FOXP1: variants seen among roughly 807,000 people sequenced by gnomAD.
FOXP1 encodes the protein forkhead box P1.
In FOXP1, 15 loss-of-function variants were observed where a neutral mutation model predicts 98.2. The observed-to-expected ratio is 0.15, with a 90% CI of 0.10 to 0.24. The LOEUF (loss-of-function observed/expected upper bound fraction) is 0.24, where lower values mean the gene tolerates loss of function less well. FOXP1 is among the 10% of genes least tolerant of loss of function. The pLI, the probability that FOXP1 is intolerant of heterozygous loss-of-function variation, is 1.00. For missense variants in FOXP1, 633 were observed against 848.5 expected, an observed-to-expected ratio of 0.75 and a Z score of 3.15; for synonymous variants, 371 against 314.5, an observed-to-expected ratio of 1.18 and a Z score of -1.90.
chr3:71,049,772 C>T (rs912153437), intron 9 of FOXP1, among the ~76,000 whole-genome samples: 1 of 152,142 alleles, frequency 6.6e-6, no homozygotes, highest in African/African-American at 2.4e-5. Context: ...CAGTCCACAT[C>T]ATGAAAATGC....
intron 3 of FOXP1, among the ~76,000 whole-genome samples, chr3:71,381,746 CTA>C (rs1253301473): frequency 1.3e-5 from 2 of 152,112 alleles, no homozygotes; most frequent in Non-Finnish European, 2.9e-5. Flanking sequence ...GCCCAGCCCT[CTA>C]TTGTTTTTAA....
At chr3:71,081,673 T>C (rs1366958360) in intron 7 of FOXP1, among the ~76,000 whole-genome samples, 2 of 152,184 alleles carry the variant, frequency 1.3e-5, no homozygotes, top group African/African-American at 2.4e-5. Context: ...GAAGGAGCAG[T>C]GCTTTTTATT....
intron 3 of FOXP1, among the ~76,000 whole-genome samples, chr3:71,372,478 G>C (rs1417548370): frequency 6.6e-6 from 1 of 152,092 alleles, no homozygotes; most frequent in African/African-American, 2.4e-5. Flanking sequence ...TGCACTCTCT[G>C]CTTCTTTATA....
chr3:71,463,581 G>C lies in FOXP1; in HGVS notation c.-168+29845C>G, dbSNP rs557165734. 2.0e-3 allele frequency among the ~76,000 whole-genome samples: 311 copies of C among 152,196 alleles called. 1 individual carries two copies. The highest frequency in any genetic ancestry group is 7.3e-3 in the African/African-American group (303 of 41,528). On this transcript the variant is annotated intron_variant, in intron 3 of 20. Transcript: ENST00000649528. ...TTCTCTGGGCTGGGGTCTCTCCCCAGGAGATATGAAGATAACTATAACAAC... is the reference window on the plus strand; with the variant it reads ...TTCTCTGGGCTGGGGTCTCTCCCCACGAGATATGAAGATAACTATAACAAC...
At chr3:71,017,341 G>A (rs960631495) in intron 11 of FOXP1, among the ~76,000 whole-genome samples, 3 of 151,684 alleles carry the variant, frequency 2.0e-5, no homozygotes, top group Admixed American at 1.3e-4. Flanking sequence ...TTCTAAGAGG[G>A]AAGAAAATAA....
At chr3:70,970,841 A>C in intron 18 of FOXP1, 36 bp from the exon 19 acceptor site, 7 of 1,498,694 alleles carry the variant, frequency 4.7e-6, no homozygotes, top group Non-Finnish European at 6.5e-6. Context: ...AAAGTTAAAC[A>C]CAGTCGACTG....
intron 3 of FOXP1, among the ~76,000 whole-genome samples, chr3:71,415,347 T>C (rs1560453438): frequency 6.6e-6 from 1 of 152,200 alleles, no homozygotes; most frequent in African/African-American, 2.4e-5. Flanking sequence ...CTATAAATTG[T>C]GATTATAATT....
intron 6 of FOXP1, 99 bp from the exon 7 acceptor site, chr3:71,112,736 T>C: frequency 3.6e-6 from 3 of 836,958 alleles, no homozygotes; most frequent in South Asian, 1.4e-5. Flanking sequence ...GACTGGGTCC[T>C]GACTTTCCTA....
chr3:70,961,716 A>C (rs187390311), intron 20 of FOXP1, among the ~76,000 whole-genome samples: 16 of 152,150 alleles, frequency 1.1e-4, no homozygotes, highest in Admixed American at 5.2e-4. Context: ...GCAAAATGAC[A>C]ATCTGGGGTC....
chr3:71,405,246 T>C (rs1560437815), intron 3 of FOXP1, among the ~76,000 whole-genome samples: 1 of 152,182 alleles, frequency 6.6e-6, no homozygotes, highest in African/African-American at 2.4e-5. Flanking sequence ...CCTGCCATCC[T>C]CGCCTATGGA....
chr3:71,210,278 C>T (rs2064352157), intron 5 of FOXP1, among the ~76,000 whole-genome samples: 1 of 152,182 alleles, frequency 6.6e-6, no homozygotes, highest in South Asian at 2.1e-4. Flanking sequence ...CTTTGTTCTG[C>T]AAACCTAAAG....
intron 3 of FOXP1, among the ~76,000 whole-genome samples, chr3:71,469,598 G>A (rs769305777): frequency 3.3e-5 from 5 of 152,160 alleles, no homozygotes; most frequent in Non-Finnish European, 7.3e-5. Context: ...AGCCCACACA[G>A]AAATTCACAT....
intron 5 of FOXP1, among the ~76,000 whole-genome samples, chr3:71,246,222 C>T (rs1352169202): frequency 1.3e-5 from 2 of 152,116 alleles, no homozygotes; most frequent in Non-Finnish European, 2.9e-5. Flanking sequence ...ATGAGATCAG[C>T]CAAAATGAGG....
At chr3:71,177,891 G>A (rs116477690) in intron 6 of FOXP1, among the ~76,000 whole-genome samples, 1,953 of 140,598 alleles carry the variant, frequency 0.014, 49 homozygotes, top group African/African-American at 0.05. Flanking sequence ...GCCCAAGCTG[G>A]AGGGCAGTGG....
chr3:71,059,068 A>C (rs111753180), intron 7 of FOXP1, among the ~76,000 whole-genome samples: 2 of 152,220 alleles, frequency 1.3e-5, no homozygotes, highest in Non-Finnish European at 2.9e-5. Flanking sequence ...AGTCATTAGC[A>C]TAACAGTTCT....
At chr3:71,051,628 T>C (rs1221346758) in intron 9 of FOXP1, among the ~76,000 whole-genome samples, 1 of 152,082 alleles carries the variant, frequency 6.6e-6, no homozygotes, top group African/African-American at 2.4e-5. Context: ...AATTGTGTCA[T>C]CCCAAGGAGA....
chr3:71,387,355 T>C (rs910234007), intron 3 of FOXP1, among the ~76,000 whole-genome samples: 1 of 152,222 alleles, frequency 6.6e-6, no homozygotes, highest in African/African-American at 2.4e-5. Context: ...CACCTTGAAG[T>C]CTTCCACCAT....
intron 2 of FOXP1, among the ~76,000 whole-genome samples, chr3:71,542,905 C>T (rs1441146758): frequency 6.6e-6 from 1 of 152,178 alleles, no homozygotes; most frequent in East Asian, 1.9e-4. Flanking sequence ...GGGGAGCAGG[C>T]GGTGTAGCAT....
chr3:71,479,145 C>T (rs1457489971), intron 3 of FOXP1, among the ~76,000 whole-genome samples: 1 of 152,176 alleles, frequency 6.6e-6, no homozygotes, highest in Non-Finnish European at 1.5e-5. Context: ...AAGGATAGGG[C>T]TGGGCGTGGT....
Sources: allele counts gnomAD v4.1 joint callset (sites outside exome capture counted in the v4.1 genomes callset), GRCh38; gene constraint gnomAD v4.1.1; transcripts MANE v1.5; gene names NCBI Gene and HGNC (gene_info 2026-07-23, HGNC 2026-07-21).